SERPINB13: variants seen among roughly 807,000 people sequenced by gnomAD.
SERPINB13 encodes serpin B13.
In SERPINB13, 26 loss-of-function variants were observed where a neutral mutation model predicts 31.2. The observed-to-expected ratio is 0.83, with a 90% CI of 0.61 to 1.15. The LOEUF (loss-of-function observed/expected upper bound fraction) is 1.15. SERPINB13 is among the 50% of genes most tolerant of loss of function. SERPINB13 has a pLI of 0.00. For missense variants in SERPINB13, 510 were observed against 469.4 expected (o/e 1.09, Z -0.80); for synonymous variants, 191 against 172.4 (o/e 1.11, Z -0.85).
chr18:63,592,522 G>A (rs1911916692), intron 4 of SERPINB13, 46 bp downstream of exon 4: 1 of 1,591,416 alleles, frequency 6.3e-7, no homozygotes, highest in African/African-American at 1.3e-5. Context: ...ATTCTGGAAT[G>A]GCCAAATGGC....
rs145032535 is a variant in SERPINB13, at chr18:63,589,661, T to A, written c.171T>A (p.Phe57Leu). The A allele has an allele frequency of 4.7e-4, 751 of 1,613,774 alleles. No homozygotes were observed. Among genetic ancestry groups the A allele is most frequent in the Admixed American group, 6.2e-4 (37 of 60,002 alleles). Residue 57 changes from phenylalanine to leucine, a missense_variant, in exon 3 of 8, where the codon TTT becomes TTA. Physicochemically the swap from Phe to Leu is conservative, Grantham distance 22 (BLOSUM62 0). Transcript: ENST00000344731. Reference sequence around the variant, plus strand: ...ATATTTTCTATCTCTTCCAGGTGTTTCACTCTGAAAAAGAGACGAAGAGCT... The same window carrying A: ...ATATTTTCTATCTCTTCCAGGTGTTACACTCTGAAAAAGAGACGAAGAGCT... ...GATASQLEEV[F>L]HSEKETKSSR... is the part of the protein sequence containing the mutation.
chr18:63,589,751 A>G (rs987185389), intron 3 of SERPINB13, 36 bp downstream of exon 3: 30 of 1,613,730 alleles, frequency 1.9e-5, no homozygotes, highest in Middle Eastern at 1.6e-4. Flanking sequence ...AGGTGGGGAG[A>G]TGTGTTTTAC....
intron 7 of SERPINB13, 127 bp from the exon 8 acceptor site, chr18:63,596,832 G>C (rs1912195849): frequency 4.1e-6 from 3 of 726,560 alleles, no homozygotes; most frequent in Non-Finnish European, 6.4e-6. Flanking sequence ...CAACAATCTA[G>C]TGAAATAAAA....
intron 7 of SERPINB13, among the ~76,000 whole-genome samples, chr18:63,595,927 TAAA>T (rs1490060087): frequency 1.3e-5 from 2 of 149,604 alleles, no homozygotes; most frequent in Admixed American, 1.3e-4. Flanking sequence ...AATAAATAAA[TAAA>T]TAAATAAATA....
Position 63,592,463 on chromosome 18 carries a change from AC to A in SERPINB13, c.343del (p.Leu115SerfsTer7). On this transcript the variant is annotated frameshift_variant, in exon 4 of 8. Transcript: ENST00000344731. LOFTEE classifies it high-confidence loss of function. ...AACAGGCTGTTTGGAGAAAAAACAT[AC>A]CTCTTCCTTCAAGTAAGTTTGCCAT... ...ITNRLFGEKT[Y>X]LFLQKYLDYV... 6.2e-7 allele frequency: 1 copy of A among 1,613,136 alleles called. No homozygotes were observed. The highest frequency in any genetic ancestry group is 8.5e-7 in the Non-Finnish European group (1 of 1,179,636).
Position 63,589,715 on chromosome 18 carries a change from G to T in SERPINB13, c.225G>T (p.Val75=). ...SSRIKAEEKE[V]IENTEAVHQQ... ...GAATAAAGGCTGAAGAAAAAGAGGT[G>T]GTAAGAATAAAGGCTGAAGGAAAAG... The change falls in exon 3 of 8, where the codon GTG becomes GTT. Residue 75 remains valine (V), a splice_region_variant and synonymous_variant. Transcript: ENST00000344731. 1 of 1,613,076 alleles carries T rather than the reference G, an allele frequency of 6.2e-7. No homozygotes were observed. Among genetic ancestry groups the T allele is most frequent in the South Asian group, 1.1e-5 (1 of 91,052 alleles).
chr18:63,589,255 A>G (rs187657988), intron 2 of SERPINB13, among the ~76,000 whole-genome samples: 23 of 152,274 alleles, frequency 1.5e-4, no homozygotes, highest in Admixed American at 1.2e-3. Context: ...TCCTGACCTC[A>G]GGTGATCCAC....
chr18:63,597,561 T>A lies in SERPINB13; in HGVS notation c.*198T>A. On this transcript the variant is annotated 3_prime_UTR_variant, in exon 8 of 8. Coordinates refer to ENST00000344731, the MANE Select transcript of SERPINB13 (RefSeq NM_012397.4). ...CGAAAGTGAAATGTCCTTTTCTTTGTGCCATGCGTAAGGTGAGTCAAACCA... is the reference window on the plus strand; with the variant it reads ...CGAAAGTGAAATGTCCTTTTCTTTGAGCCATGCGTAAGGTGAGTCAAACCA... 1 of 600,366 alleles carries A rather than the reference T, an allele frequency of 1.7e-6. No homozygotes were observed. Among genetic ancestry groups the A allele is most frequent in the Non-Finnish European group, 2.8e-6 (1 of 353,572 alleles). The allele number at this position is 600,366 out of a possible 1,614,324, so 37.2% of individuals were successfully genotyped here. A position where few individuals can be genotyped will look rare whatever the true frequency, so the allele number is the denominator to read the frequency against.
chr18:63,592,009 T>C lies in SERPINB13; in HGVS notation c.226-339T>C, dbSNP rs116077647. ...GGAGAAATCACTTACTTTCCTTAGA[T>C]GCTTAGAATCTTGTGGGGAGCTAAA... On this transcript the variant is annotated intron_variant, in intron 3 of 7. Transcript: ENST00000344731. Among the ~76,000 whole-genome samples, 1,450 of 152,284 alleles carry C rather than the reference T, an allele frequency of 9.5e-3. 29 individuals carry two copies. Among genetic ancestry groups the C allele is most frequent in the African/African-American group, 0.033 (1,375 of 41,544 alleles).
rs536691926 is a variant in SERPINB13, at chr18:63,598,597, T to C, written c.*1234T>C. 2 of 152,352 alleles carry C rather than the reference T, an allele frequency of 1.3e-5. No individual in the cohort carries two copies. The highest frequency in any genetic ancestry group is 4.8e-5 in the African/African-American group (2 of 41,590). 9.4% of individuals were successfully genotyped at this position (152,352 alleles called of 1,614,324 possible). On this transcript the variant is annotated 3_prime_UTR_variant, in exon 8 of 8. Transcript: ENST00000344731. Reference sequence around the variant, plus strand: ...TTGTAGTATGTATTGATACTTAATTTTTTTATTGCCGAATACTATTCCATT... The same window carrying C: ...TTGTAGTATGTATTGATACTTAATTCTTTTATTGCCGAATACTATTCCATT...
intron 3 of SERPINB13, among the ~76,000 whole-genome samples, chr18:63,591,984 G>A (rs1260564606): frequency 2.0e-5 from 3 of 152,088 alleles, no homozygotes; most frequent in African/African-American, 4.8e-5. Context: ...AGAATCGTCC[G>A]GAGAAATCAC....
chr18:63,589,470 C>CACACAT (rs1568143436), intron 2 of SERPINB13, among the ~76,000 whole-genome samples, 186 bp from the exon 3 acceptor site: 2 of 150,064 alleles, frequency 1.3e-5, no homozygotes, highest in African/African-American at 4.9e-5. Flanking sequence ...CACACACACA[C>CACACAT]ACACACACAC....
Position 63,588,754 on chromosome 18 carries a change from T to C in SERPINB13, c.87T>C (p.Phe29=), listed in dbSNP as rs773930554. The change falls in exon 2 of 8, where the codon TTT becomes TTC. Residue 29 remains phenylalanine, a synonymous_variant. Transcript: ENST00000344731. ...AAACAAATGATGGCAACATCTTCTT[T>C]TCCCCTGTGGGCATCTTGACTGCAA... ...LKKTNDGNIF[F]SPVGILTAIG... is the part of the protein sequence containing the mutation. The C allele has an allele frequency of 3.3e-5, 54 of 1,614,060 alleles. No homozygotes were observed. Among genetic ancestry groups the C allele is most frequent in the Non-Finnish European group, 4.5e-5 (53 of 1,180,016 alleles).
At position 63,588,519 on chromosome 18, in the gene SERPINB13, C is replaced by T. The variant is rs189150935; in HGVS notation, c.-17-132C>T. On this transcript the variant is annotated intron_variant, in intron 1 of 7. Transcript: ENST00000344731. ...AGAGGACGTGAGAAGCAGGCAGCAG[C>T]GACCTTTCACCAAAAGGGTGGAAAT... 256 of 849,014 alleles carry T rather than the reference C, an allele frequency of 3.0e-4. No individual in the cohort carries two copies. In the African/African-American group the frequency reaches 3.6e-3, roughly 12 times the overall value. 52.6% of individuals were successfully genotyped at this position (849,014 alleles called of 1,614,324 possible).
At position 63,589,661 on chromosome 18, in the gene SERPINB13, T is replaced by C; in HGVS notation, c.171T>C (p.Phe57=). 6.2e-7 allele frequency: 1 copy of C among 1,613,776 alleles called. No homozygotes were observed. Reference sequence around the variant, plus strand: ...ATATTTTCTATCTCTTCCAGGTGTTTCACTCTGAAAAAGAGACGAAGAGCT... The same window carrying C: ...ATATTTTCTATCTCTTCCAGGTGTTCCACTCTGAAAAAGAGACGAAGAGCT... ...GATASQLEEV[F]HSEKETKSSR... is the part of the protein sequence containing the mutation. The change falls in exon 3 of 8, where the codon TTT becomes TTC. Residue 57 remains phenylalanine (F), a synonymous_variant. Transcript: ENST00000344731.
Position 63,594,478 on chromosome 18 carries a change from A to G in SERPINB13, c.596A>G (p.Glu199Gly). The change falls in exon 6 of 8, where the codon GAG (glutamate) becomes GGG (glycine). Residue 199 changes from glutamate to glycine, a missense_variant. Physicochemically the swap from Glu to Gly is moderately conservative, Grantham distance 98. Transcript: ENST00000344731. The stretch of plus-strand genomic sequence containing the variant: ...TTTAAGAAAGAAAATACTAAGGAAG[A>G]GAAATTTTGGATGAATAAGGTATGG... Reference protein sequence around the residue: ...REFKKENTKEEKFWMNKSTSK... With the variant: ...REFKKENTKEGKFWMNKSTSK... 6.2e-7 allele frequency: 1 copy of G among 1,614,008 alleles called. No individual in the cohort carries two copies.
In SERPINB13 at chr18:63,588,628, G is replaced by T. The variant is rs1335484595; in HGVS notation, c.-17-23G>T. ...CAGAGTAATTCAAATGTTCAGTTTTGATTGTTGTTCTTGCTATTCTAGGTC... is the reference window on the plus strand; with the variant it reads ...CAGAGTAATTCAAATGTTCAGTTTTTATTGTTGTTCTTGCTATTCTAGGTC... On this transcript the variant is annotated intron_variant, in intron 1 of 7. Coordinates refer to ENST00000344731, the MANE Select transcript of SERPINB13 (RefSeq NM_012397.4). 6 of 1,609,584 alleles carry T rather than the reference G, an allele frequency of 3.7e-6. No homozygotes were observed. In the East Asian group the frequency reaches 6.7e-5, roughly 18 times the overall value.
At chr18:63,589,135 T>C (rs1196144309) in intron 2 of SERPINB13, among the ~76,000 whole-genome samples, 2 of 152,090 alleles carry the variant, frequency 1.3e-5, no homozygotes, top group East Asian at 1.9e-4. Context: ...AAATGACACA[T>C]CCAAGATGAA....
At chr18:63,595,557 C>A (rs768676015) in intron 7 of SERPINB13, among the ~76,000 whole-genome samples, 12 of 152,102 alleles carry the variant, frequency 7.9e-5, no homozygotes, top group Non-Finnish European at 1.3e-4. Context: ...GAATTTCTTT[C>A]TTACACTCTT....
Sources: gnomAD v4.1 joint callset for allele counts (sites outside exome capture counted in the v4.1 genomes callset) on GRCh38, gnomAD v4.1.1 for gene constraint, MANE v1.5 for transcripts, NCBI Gene and HGNC (gene_info 2026-07-23, HGNC 2026-07-21) for gene names.